The following CCDC187 variants were observed in gnomAD, a reference collection of about 807,000 sequenced individuals.
CCDC187 encodes coiled-coil domain-containing protein 187.
Under a neutral mutation model 38.0 loss-of-function variants are expected in CCDC187, and 32 were observed. The ratio of observed to expected loss-of-function variants is 0.84; its 90% confidence interval spans 0.64 to 1.13. The LOEUF is 1.13. Ranked by LOEUF, CCDC187 falls within the 50% of genes most tolerant of loss-of-function variation. The pLI, the probability that CCDC187 is intolerant of heterozygous loss-of-function variation, is 0.00. For missense variants in CCDC187, 707 were observed against 786.8 expected (o/e 0.90, Z 1.21); for synonymous variants, 333 against 347.9 (o/e 0.96, Z 0.48).
Position 136,268,200 on chromosome 9 carries a change from G to A in CCDC187, c.3443-75C>T. The A allele has an allele frequency of 7.5e-6, 7 of 927,342 alleles. No homozygotes were observed. In the South Asian group the frequency reaches 2.0e-4, roughly 26 times the overall value. The allele number at this position is 927,342 out of a possible 1,614,324, so 57.4% of individuals were successfully genotyped here. A position where few individuals can be genotyped will look rare whatever the true frequency, so the allele number is the denominator to read the frequency against. ...CGTGTCAGGGGCCATTTCTACCGGA[G>A]GGCCTCATAAAAGTAGGAGGTCTAG... On this transcript the variant is annotated intron_variant, in intron 14 of 25. Coordinates refer to ENST00000638797, the MANE Select transcript of CCDC187 (RefSeq NM_001378188.1).
intron 7 of CCDC187, among the ~76,000 whole-genome samples, chr9:136,287,543 C>A (rs1259627238): frequency 6.6e-6 from 1 of 152,210 alleles, no homozygotes; most frequent in Non-Finnish European, 1.5e-5. Context: ...ATACGCAAGA[C>A]CCCAACTTTA....
chr9:136,254,889 T>C lies in CCDC187; in HGVS notation c.4939A>G (p.Ser1647Gly), dbSNP rs781890629. 7 of 985,466 alleles carry C rather than the reference T, an allele frequency of 7.1e-6. No homozygotes were observed. Among genetic ancestry groups the C allele is most frequent in the Non-Finnish European group, 8.4e-6 (7 of 829,962 alleles). 61.0% of individuals were successfully genotyped at this position (985,466 alleles called of 1,614,324 possible). ...TCAGCTTCCAAGCTGGGAAGAGAGCTGGAGCTCCCAGAAAGCTGGATCAGG... is the reference window on the plus strand; with the variant it reads ...TCAGCTTCCAAGCTGGGAAGAGAGCCGGAGCTCCCAGAAAGCTGGATCAGG... ...ATLIQLSGSS[S>G]SLPSLEAEDS... Residue 1647 changes from serine to glycine, a missense_variant, in exon 26 of 26, where the codon AGC (serine) becomes GGC (glycine). By Grantham distance (56) the Ser-to-Gly change is moderately conservative. Transcript: ENST00000638797.
At chr9:136,262,644 C>T (rs1357228062) in intron 18 of CCDC187, among the ~76,000 whole-genome samples, 182 bp from the exon 19 acceptor site, 1 of 152,210 alleles carries the variant, frequency 6.6e-6, no homozygotes, top group Non-Finnish European at 1.5e-5. Context: ...CCTGCACCCC[C>T]ACTGAGAGGT....
chr9:136,294,092 G>C (rs879056353), intron 4 of CCDC187, among the ~76,000 whole-genome samples: 2 of 106,972 alleles, frequency 1.9e-5, no homozygotes, highest in African/African-American at 7.3e-5. Context: ...ATATACACAC[G>C]CCCTCAAGTG....
Position 136,291,054 on chromosome 9 carries a change from G to C in CCDC187, c.1559C>G (p.Pro520Arg). 7.5e-6 allele frequency: 3 copies of C among 398,782 alleles called. No homozygotes were observed. Among genetic ancestry groups the C allele is most frequent in the Non-Finnish European group, 8.8e-6 (2 of 226,218 alleles). The allele number at this position is 398,782 out of a possible 1,614,324, so 24.7% of individuals were successfully genotyped here. A position where few individuals can be genotyped will look rare whatever the true frequency, so the allele number is the denominator to read the frequency against. Reference protein sequence around the residue: ...QGPSSQRPGSPPEKRSPFPQQ... With the variant: ...QGPSSQRPGSRPEKRSPFPQQ... ...GGGGAAGGGGCTCCGCTTTTCAGGG[G>C]GGCTCCCAGGCCTCTGGGAGGAGGG... is the stretch of plus-strand genomic sequence containing the variant. Residue 520 changes from proline (P) to arginine (R), a missense_variant, in exon 6 of 26, where the codon CCC (proline) becomes CGC (arginine). Transcript: ENST00000638797.
intron 10 of CCDC187, among the ~76,000 whole-genome samples, chr9:136,276,931 G>A (rs991926010): frequency 6.6e-6 from 1 of 152,102 alleles, no homozygotes; most frequent in Non-Finnish European, 1.5e-5. Flanking sequence ...CCCCTGCCCT[G>A]CATGTCGAGG....
At chr9:136,269,740 G>A (rs1370271758) in intron 14 of CCDC187, among the ~76,000 whole-genome samples, 2 of 152,160 alleles carry the variant, frequency 1.3e-5, no homozygotes, top group Non-Finnish European at 1.5e-5. Flanking sequence ...GATATGCAAA[G>A]AAACCAGAAA....
rs1371048104 is a variant in CCDC187, at chr9:136,303,046, A to G, written c.391T>C (p.Trp131Arg). Residue 131 changes from tryptophan to arginine, a missense_variant, in exon 2 of 26, where the codon TGG becomes CGG. Coordinates refer to ENST00000638797, the MANE Select transcript of CCDC187 (RefSeq NM_001378188.1). ...AACACCTGGGGTGGCCTCTCCTTCC[A>G]AGACACACACACGTCGTGGCCCCCC... The part of the protein sequence containing the change: ...SSGGHDVCVS[W>R]KERPPQVLGP... 2.5e-6 allele frequency: 1 copy of G among 398,462 alleles called. No individual in the cohort carries two copies. Among genetic ancestry groups the G allele is most frequent in the African/African-American group, 2.1e-5 (1 of 48,576 alleles). 24.7% of individuals were successfully genotyped at this position (398,462 alleles called of 1,614,324 possible).
In CCDC187 at chr9:136,295,663, C is replaced by T. The variant is rs1017480786; in HGVS notation, c.832+2051G>A. On this transcript the variant is annotated intron_variant, in intron 4 of 25. Coordinates refer to ENST00000638797, the MANE Select transcript of CCDC187 (RefSeq NM_001378188.1). ...AGTCCTGTGGCTCTGACCTCTGAACCGAAACTCATCTCTCCTTAGCCCAGC... is the reference window on the plus strand; with the variant it reads ...AGTCCTGTGGCTCTGACCTCTGAACTGAAACTCATCTCTCCTTAGCCCAGC... Among the ~76,000 whole-genome samples the T allele has an allele frequency of 5.3e-3, 804 of 152,296 alleles. 4 individuals are homozygous for T. Among genetic ancestry groups the T allele is most frequent in the Middle Eastern group, 0.031 (9 of 294 alleles).
chr9:136,257,376 T>TATAATAATA lies in CCDC187; in HGVS notation c.4367-544_4367-536dup, dbSNP rs66462838. On this transcript the variant is annotated intron_variant, in intron 22 of 25. Coordinates refer to ENST00000638797, the MANE Select transcript of CCDC187 (RefSeq NM_001378188.1). The surrounding 1 kb of genome is among the most constrained non-coding windows in gnomAD (Gnocchi z 4.5). ...AGAGAGTGAGACTTTGTCTCAAAAT[T>TATAATAATA]ATAATAATAATAATAATAATAATAA... 4.1e-4 allele frequency among the ~76,000 whole-genome samples: 61 copies of TATAATAATA among 147,044 alleles called. 1 individual carries two copies. The highest frequency in any genetic ancestry group is 3.2e-3 in the Admixed American group (48 of 14,784).
At position 136,257,141 on chromosome 9, in the gene CCDC187, G is replaced by A. The variant is rs1173709003; in HGVS notation, c.4367-300C>T. Among the ~76,000 whole-genome samples, 1 of 152,192 alleles carries A rather than the reference G, an allele frequency of 6.6e-6. No individual in the cohort carries two copies. Among genetic ancestry groups the A allele is most frequent in the African/African-American group, 2.4e-5 (1 of 41,448 alleles). On this transcript the variant is annotated intron_variant, in intron 22 of 25. Transcript: ENST00000638797. The surrounding 1 kb of genome is among the most constrained non-coding windows in gnomAD (Gnocchi z 4.5). Reference sequence around the variant, plus strand: ...TATAATCCCAGCACTCTGGGAGGCCGAGGCGGGCGGATCACAAGGTCAGGA... The same window carrying A: ...TATAATCCCAGCACTCTGGGAGGCCAAGGCGGGCGGATCACAAGGTCAGGA...
chr9:136,281,327 C>G, intron 10 of CCDC187: 1 of 397,956 alleles, frequency 2.5e-6, no homozygotes, highest in Non-Finnish European at 4.4e-6. Flanking sequence ...TGGGTCTCAT[C>G]CACCGAGGGC....
At chr9:136,292,507 G>C (rs1477524185) in intron 4 of CCDC187, among the ~76,000 whole-genome samples, 2 of 152,202 alleles carry the variant, frequency 1.3e-5, no homozygotes, top group African/African-American at 2.4e-5. Context: ...GGCGGCCATG[G>C]GCAGGTGGCT....
At chr9:136,260,661 G>A (rs1444015092) in intron 19 of CCDC187, among the ~76,000 whole-genome samples, 3 of 152,112 alleles carry the variant, frequency 2.0e-5, no homozygotes, top group Admixed American at 1.3e-4. Flanking sequence ...CCTGCCCGGC[G>A]ACACGTCGTC....
chr9:136,302,095 A>C (rs1831699966), intron 2 of CCDC187, among the ~76,000 whole-genome samples: 1 of 152,040 alleles, frequency 6.6e-6, no homozygotes, highest in African/African-American at 2.4e-5. Flanking sequence ...CTGTAATCCC[A>C]GCTACTCGGG....
chr9:136,262,115 C>A (rs1468445782), intron 19 of CCDC187, among the ~76,000 whole-genome samples, 196 bp downstream of exon 19: 1 of 152,392 alleles, frequency 6.6e-6, no homozygotes, highest in South Asian at 2.1e-4. Context: ...TACGGCCAAG[C>A]CTCAGAGAAG....
rs1172165362 is a variant in CCDC187 at position 136,250,434 on chromosome 9, A to G, written c.*3160T>C. On this transcript the variant is annotated 3_prime_UTR_variant, in exon 26 of 26. Coordinates refer to ENST00000638797, the MANE Select transcript of CCDC187 (RefSeq NM_001378188.1). ...GCCTGGGAGCCATCAGATTCGCTGC[A>G]AATCTGCGGGGCTTCAGTGGTGGAG... 1.4e-5 allele frequency: 4 copies of G among 294,926 alleles called. No individual in the cohort carries two copies. The highest frequency in any genetic ancestry group is 2.7e-5 in the Non-Finnish European group (4 of 150,858). 18.3% of individuals were successfully genotyped at this position (294,926 alleles called of 1,614,324 possible).
intron 4 of CCDC187, among the ~76,000 whole-genome samples, chr9:136,293,215 T>G (rs1452508988): frequency 1.6e-5 from 2 of 121,394 alleles, no homozygotes; most frequent in African/African-American, 6.5e-5. Flanking sequence ...AAACACATGC[T>G]CACACACTCA....
At chr9:136,269,000 G>A (rs1830795217) in intron 14 of CCDC187, among the ~76,000 whole-genome samples, 1 of 152,202 alleles carries the variant, frequency 6.6e-6, no homozygotes, top group Non-Finnish European at 1.5e-5. Flanking sequence ...CAGAGTGTCA[G>A]AGAGGAGAGA....
Sources: gnomAD v4.1 joint callset for allele counts (sites outside exome capture counted in the v4.1 genomes callset) on GRCh38, gnomAD v4.1.1 for gene constraint, Gnocchi (gnomAD v3.1) non-coding constraint, MANE v1.5 for transcripts, NCBI Gene and HGNC (gene_info 2026-07-23, HGNC 2026-07-21) for gene names.